The following TRPM1 variants were observed in gnomAD, a reference collection of about 807,000 sequenced individuals.
The protein encoded by TRPM1 is transient receptor potential cation channel subfamily M member 1.
Under a neutral mutation model 149.4 loss-of-function variants are expected in TRPM1, and 113 were observed. The ratio of observed to expected loss-of-function variants is 0.76; its 90% CI spans 0.65 to 0.88. The LOEUF is 0.88. Among genes scored for constraint, TRPM1 ranks in the 40% least tolerant of loss-of-function variants. TRPM1 has a pLI of 0.00. For synonymous variants in TRPM1, 741 were observed against 759.5 expected, an observed-to-expected ratio of 0.98 and a Z score of 0.40; for missense variants, 1,976 against 2,038.7, an observed-to-expected ratio of 0.97 and a Z score of 0.59.
At chr15:31,071,040 C>T (rs568886866) in intron 3 of TRPM1, among the ~76,000 whole-genome samples, 14 of 152,330 alleles carry the variant, frequency 9.2e-5, no homozygotes, top group African/African-American at 2.9e-4. Context: ...CCCAGCCAAC[C>T]TCTCACGCCC....
At chr15:31,085,490 T>C (rs1056846808) in intron 1 of TRPM1, among the ~76,000 whole-genome samples, 2 of 152,222 alleles carry the variant, frequency 1.3e-5, no homozygotes, top group African/African-American at 4.8e-5. Flanking sequence ...GTCAACATTG[T>C]CGGGGCTTTA....
At chr15:31,142,516 A>G (rs1285502563) in intron 1 of TRPM1, among the ~76,000 whole-genome samples, 1 of 152,206 alleles carries the variant, frequency 6.6e-6, no homozygotes, top group Non-Finnish European at 1.5e-5. Flanking sequence ...ATTACTTAGG[A>G]AAACAGACAC....
intron 11 of TRPM1, among the ~76,000 whole-genome samples, chr15:31,051,972 A>C (rs1008717661): frequency 2.0e-5 from 3 of 152,194 alleles, no homozygotes; most frequent in African/African-American, 7.2e-5. Flanking sequence ...AGTGCCCTCA[A>C]TGATTCATCT....
Position 31,060,579 on chromosome 15 carries a change from G to A in TRPM1, c.1228C>T (p.Arg410Ter), listed in dbSNP as rs755579580. The change falls in exon 11 of 28, where the codon CGA becomes TGA. Residue 410 changes from arginine (R) to a stop codon, truncating the protein, a stop_gained. Transcript: ENST00000256552. LOFTEE classifies it high-confidence loss of function. ...ALAWNRVDIA[R>*]SQIFVFGPHW... The stretch of plus-strand genomic sequence containing the variant: ...GGCCCAAAGACAAAGATCTGGCTTC[G>A]TGCTATGTCCACGCGGTTCCAAGCC... 11 of 1,614,230 alleles carry A rather than the reference G, an allele frequency of 6.8e-6. No homozygotes were observed. The highest frequency in any genetic ancestry group is 2.2e-5 in the South Asian group (2 of 91,078).
At chr15:31,065,260 C>G in intron 7 of TRPM1, 1 of 403,152 alleles carries the variant, frequency 2.5e-6, no homozygotes, top group Non-Finnish European at 5.1e-6. Context: ...ACAACTTTTC[C>G]TAGTAGGCCA....
Position 31,157,725 on chromosome 15 carries a change from C to T in TRPM1, c.54+3181G>A, listed in dbSNP as rs1399889621. ...GGGATTTGCTCACTGCCTCAGGATTCCACGCTGTGCACCCCAGTTGGTCTA... is the reference window on the plus strand; with the variant it reads ...GGGATTTGCTCACTGCCTCAGGATTTCACGCTGTGCACCCCAGTTGGTCTA... On this transcript the variant is annotated intron_variant, in intron 1 of 26. Coordinates refer to the TRPM1 transcript ENST00000542188. Among the ~76,000 whole-genome samples the T allele has an allele frequency of 4.6e-5, 7 of 152,220 alleles. No individual in the cohort carries two copies. The East Asian group carries it at 1.4e-3, about 29-fold the overall frequency.
At chr15:31,026,890 T>C (rs776311880) in intron 26 of TRPM1, 25 bp downstream of exon 26, 6 of 1,610,586 alleles carry the variant, frequency 3.7e-6, no homozygotes, top group Non-Finnish European at 4.2e-6. Context: ...CAGCCCAACT[T>C]AGAAATGAAG....
intron 1 of TRPM1, among the ~76,000 whole-genome samples, chr15:31,106,871 T>C (rs1191458150): frequency 1.3e-5 from 2 of 152,236 alleles, no homozygotes; most frequent in African/African-American, 4.8e-5. Context: ...ATAGAGATTG[T>C]AGCATTTTGC....
chr15:31,030,082 G>A (rs1008588623), intron 23 of TRPM1, among the ~76,000 whole-genome samples: 1 of 152,168 alleles, frequency 6.6e-6, no homozygotes, highest in Non-Finnish European at 1.5e-5. Context: ...GATATGGTCA[G>A]AATGACATTA....
At chr15:31,050,737 C>T (rs1212454070) in intron 11 of TRPM1, among the ~76,000 whole-genome samples, 155 bp from the exon 12 acceptor site, 1 of 152,150 alleles carries the variant, frequency 6.6e-6, no homozygotes, top group Non-Finnish European at 1.5e-5. Context: ...CACACATATG[C>T]CCACACATAT....
chr15:31,101,025 C>T (rs2035503507), intron 1 of TRPM1, among the ~76,000 whole-genome samples: 1 of 152,212 alleles, frequency 6.6e-6, no homozygotes, highest in South Asian at 2.1e-4. Context: ...GCAGTAATCT[C>T]CCCTCCTGAT....
At chr15:31,074,980 A>G (rs551093902) in intron 3 of TRPM1, among the ~76,000 whole-genome samples, 3 of 151,758 alleles carry the variant, frequency 2.0e-5, no homozygotes, top group East Asian at 3.9e-4. Flanking sequence ...TGAGTTTCCA[A>G]TTTTTTTCCT....
intron 1 of TRPM1, among the ~76,000 whole-genome samples, chr15:31,099,545 C>G (rs528770431): frequency 7.9e-5 from 12 of 152,278 alleles, no homozygotes; most frequent in Non-Finnish European, 1.3e-4. Flanking sequence ...TCACTTAGTT[C>G]AGAATGAAGA....
intron 1 of TRPM1, among the ~76,000 whole-genome samples, chr15:31,125,729 C>CAAAAAA (rs59878175): frequency 1.9e-5 from 1 of 52,764 alleles, no homozygotes; most frequent in African/African-American, 7.3e-5. Flanking sequence ...GACTCCGTCT[C>CAAAAAA]AAAAAAAAAA....
chr15:31,148,029 T>A (rs1403141442), intron 1 of TRPM1, among the ~76,000 whole-genome samples: 1 of 152,090 alleles, frequency 6.6e-6, no homozygotes, highest in East Asian at 1.9e-4. Context: ...ACAAAAAATG[T>A]CAGCAGAGGC....
chr15:31,149,188 C>T (rs1188736312), intron 1 of TRPM1, among the ~76,000 whole-genome samples: 2 of 152,176 alleles, frequency 1.3e-5, no homozygotes, highest in Non-Finnish European at 2.9e-5. Context: ...CGTGAATGGC[C>T]AGAGGGAGAC....
intron 1 of TRPM1, among the ~76,000 whole-genome samples, chr15:31,112,211 C>A (rs578126119): frequency 1.3e-5 from 2 of 152,264 alleles, no homozygotes; most frequent in Non-Finnish European, 2.9e-5. Flanking sequence ...TGGCTGGGAG[C>A]TGTGGCTCAT....
At chr15:31,113,021 G>C (rs924866708) in intron 1 of TRPM1, among the ~76,000 whole-genome samples, 2 of 152,214 alleles carry the variant, frequency 1.3e-5, no homozygotes, top group African/African-American at 4.8e-5. Flanking sequence ...AGTGTTCCGT[G>C]TTGGAGCAAT....
chr15:31,003,218 A>G (rs2031859332), intron 27 of TRPM1, 148 bp from the exon 28 acceptor site: 1 of 714,858 alleles, frequency 1.4e-6, no homozygotes, highest in Admixed American at 3.1e-5. Context: ...ATCCCCTAAC[A>G]TGACTACTCG....
Sources: gnomAD v4.1 joint callset for allele counts (sites outside exome capture counted in the v4.1 genomes callset) on GRCh38, gnomAD v4.1.1 for gene constraint, MANE v1.5 for transcripts, NCBI Gene and HGNC (gene_info 2026-07-23, HGNC 2026-07-21) for gene names.